The following GRM1 variants were observed in gnomAD, a reference collection of about 807,000 sequenced individuals.
GRM1 encodes the protein glutamate metabotropic receptor 1.
A neutral mutation model predicts 90.9 loss-of-function variants in GRM1; 33 were observed. The observed-to-expected ratio is 0.36, with a 90% CI of 0.28 to 0.49. The LOEUF (loss-of-function observed/expected upper bound fraction) is 0.49. Ranked by LOEUF, GRM1 falls within the 20% of genes least tolerant of loss-of-function variation. The pLI is 0.99. For synonymous variants in GRM1, 700 were observed against 613.2 expected, an observed-to-expected ratio of 1.14 and a Z score of -2.09; for missense variants, 1,190 against 1,534.3, an observed-to-expected ratio of 0.78 and a Z score of 3.75.
intron 3 of GRM1, among the ~76,000 whole-genome samples, chr6:146,307,985 C>T (rs1783639392): frequency 1.3e-5 from 2 of 152,178 alleles, no homozygotes; most frequent in African/African-American, 4.8e-5. Flanking sequence ...TAGAAAAGCA[C>T]TAACTGAAAC....
chr6:146,101,104 T>C (rs1444665949), intron 1 of GRM1, among the ~76,000 whole-genome samples: 1 of 152,096 alleles, frequency 6.6e-6, no homozygotes, highest in South Asian at 2.1e-4. Flanking sequence ...TAAAAAAAAA[T>C]TCAGGAGAAA....
intron 6 of GRM1, among the ~76,000 whole-genome samples, chr6:146,392,815 T>A (rs1000245434): frequency 6.6e-6 from 1 of 152,306 alleles, no homozygotes; most frequent in South Asian, 2.1e-4. Flanking sequence ...GTTAGTTTGC[T>A]GAGAATGATG....
intron 1 of GRM1, among the ~76,000 whole-genome samples, chr6:146,064,452 G>A (rs1775776463): frequency 6.6e-6 from 1 of 152,078 alleles, no homozygotes; most frequent in South Asian, 2.1e-4. Flanking sequence ...CTGTACCAAT[G>A]TTTTAGCCAT....
intron 2 of GRM1, among the ~76,000 whole-genome samples, chr6:146,215,513 A>G (rs1779839608): frequency 6.6e-6 from 1 of 152,148 alleles, no homozygotes; most frequent in Non-Finnish European, 1.5e-5. Flanking sequence ...ATAACGTTCT[A>G]GAGACATCCT....
chr6:146,157,674 G>T (rs1777569109), intron 1 of GRM1, among the ~76,000 whole-genome samples: 1 of 152,058 alleles, frequency 6.6e-6, no homozygotes, highest in Admixed American at 6.6e-5. Context: ...GGGAACAACT[G>T]TAGGAGAAAC....
At chr6:146,256,059 G>A (rs113434956) in intron 2 of GRM1, among the ~76,000 whole-genome samples, 2 of 152,140 alleles carry the variant, frequency 1.3e-5, no homozygotes, top group South Asian at 4.1e-4. Context: ...GTAGAGGGGC[G>A]AGATACACTT....
intron 2 of GRM1, among the ~76,000 whole-genome samples, chr6:146,239,174 A>G (rs529890036): frequency 6.6e-6 from 1 of 152,288 alleles, no homozygotes; most frequent in South Asian, 2.1e-4. Context: ...AGAACAAATA[A>G]CACAACTGTA....
chr6:146,403,991 T>C (rs1340541453), intron 7 of GRM1, among the ~76,000 whole-genome samples: 1 of 152,140 alleles, frequency 6.6e-6, no homozygotes, highest in East Asian at 1.9e-4. Flanking sequence ...TTCTAACTAC[T>C]TGAACTATTG....
intron 2 of GRM1, among the ~76,000 whole-genome samples, chr6:146,265,951 G>T (rs1781870300): frequency 6.6e-6 from 1 of 152,158 alleles, no homozygotes; most frequent in Non-Finnish European, 1.5e-5. Flanking sequence ...AGCACTTTGG[G>T]AGGCCGAGGT....
At chr6:146,097,286 T>C (rs1255562397) in intron 1 of GRM1, among the ~76,000 whole-genome samples, 1 of 152,150 alleles carries the variant, frequency 6.6e-6, no homozygotes, top group Non-Finnish European at 1.5e-5. Flanking sequence ...TATTGCTTTA[T>C]TTTAAATTCA....
At chr6:146,366,302 A>G (rs1291063965) in intron 5 of GRM1, among the ~76,000 whole-genome samples, 5 of 151,992 alleles carry the variant, frequency 3.3e-5, no homozygotes, top group Non-Finnish European at 5.9e-5. Flanking sequence ...GGTCAGTGGG[A>G]TATCCATCTC....
chr6:146,036,310 G>A (rs185368755), intron 1 of GRM1, among the ~76,000 whole-genome samples: 25 of 152,064 alleles, frequency 1.6e-4, no homozygotes, highest in African/African-American at 6.0e-4. Flanking sequence ...GGCACATGCT[G>A]TTCTGATATA....
At chr6:146,117,257 T>C (rs1256861204) in intron 1 of GRM1, among the ~76,000 whole-genome samples, 1 of 151,672 alleles carries the variant, frequency 6.6e-6, no homozygotes, top group Non-Finnish European at 1.5e-5. Context: ...TCTGCTATAT[T>C]ACAATAAGGA....
intron 5 of GRM1, among the ~76,000 whole-genome samples, chr6:146,366,113 G>A (rs1775676263): frequency 6.6e-6 from 1 of 152,122 alleles, no homozygotes; most frequent in Non-Finnish European, 1.5e-5. Flanking sequence ...CTGACACATT[G>A]CATGTAGGCT....
rs573145256 is a variant in GRM1 at position 146,211,993 on chromosome 6, C to A, written c.950+52396C>A. Among the ~76,000 whole-genome samples the A allele has an allele frequency of 2.1e-3, 321 of 152,224 alleles. 2 individuals are homozygous for A. Among genetic ancestry groups the A allele is most frequent in the African/African-American group, 7.5e-3 (310 of 41,534 alleles). On this transcript the variant is annotated intron_variant, in intron 2 of 7. Coordinates refer to ENST00000282753, the MANE Select transcript of GRM1 (RefSeq NM_001278064.2). ...CAAATCCGAAATCGACAGGACAGGGCATCAGGAAGGGCAGGCTGGAACTCT... is the reference window on the plus strand; with the variant it reads ...CAAATCCGAAATCGACAGGACAGGGAATCAGGAAGGGCAGGCTGGAACTCT...
intron 1 of GRM1, among the ~76,000 whole-genome samples, chr6:146,145,669 G>T (rs1351103068): frequency 6.6e-6 from 1 of 152,158 alleles, no homozygotes; most frequent in Non-Finnish European, 1.5e-5. Flanking sequence ...AGGAGTTAAG[G>T]CAGATACTTG....
intron 2 of GRM1, among the ~76,000 whole-genome samples, chr6:146,286,390 T>TA (rs1425293130): frequency 6.6e-6 from 1 of 152,184 alleles, no homozygotes; most frequent in Non-Finnish European, 1.5e-5. Context: ...CATGTGACTT[T>TA]AAAAAACCTA....
chr6:146,304,864 A>C lies in GRM1; in HGVS notation c.1186+18A>C. On this transcript the variant is annotated intron_variant, in intron 3 of 7. Transcript: ENST00000282753. ...CTGCACAGGTAACTCATGTTCACAA[A>C]ATAACAACTCAGAGGTTTGGTCATC... is the stretch of plus-strand genomic sequence containing the variant. 1.3e-6 allele frequency: 2 copies of C among 1,499,952 alleles called. No homozygotes were observed. The highest frequency in any genetic ancestry group is 9.3e-7 in the Non-Finnish European group (1 of 1,075,738). The allele number at this position is 1,499,952 out of a possible 1,614,324, so 92.9% of individuals were successfully genotyped here.
intron 3 of GRM1, among the ~76,000 whole-genome samples, chr6:146,327,395 A>G (rs1338264723): frequency 6.6e-6 from 1 of 152,172 alleles, no homozygotes; most frequent in Non-Finnish European, 1.5e-5. Context: ...CCAATGTCCA[A>G]AAGAAACAAA....
Sources: allele counts gnomAD v4.1 joint callset (sites outside exome capture counted in the v4.1 genomes callset), GRCh38; gene constraint gnomAD v4.1.1; transcripts MANE v1.5; gene names NCBI Gene and HGNC (gene_info 2026-07-23, HGNC 2026-07-21).